Variants in USP6NL observed in about 807,000 individuals in gnomAD.
The protein encoded by USP6NL is USP6 N-terminal like.
A neutral mutation model predicts 61.9 loss-of-function variants in USP6NL; 26 were observed. The observed-to-expected ratio is 0.42, with a 90% confidence interval of 0.31 to 0.58. The LOEUF is 0.58. USP6NL is among the 20% of genes least tolerant of loss of function. USP6NL has a pLI of 0.16. For synonymous variants in USP6NL, 432 were observed against 390.1 expected, an observed-to-expected ratio of 1.11 and a Z score of -1.27; for missense variants, 1,114 against 1,034.3, an observed-to-expected ratio of 1.08 and a Z score of -1.06.
chr10:11,577,512 T>G (rs531719739), intron 2 of USP6NL, among the ~76,000 whole-genome samples: 6 of 152,142 alleles, frequency 3.9e-5, no homozygotes, highest in South Asian at 2.1e-4. Flanking sequence ...TTTGTTTGTT[T>G]TGGGGGAGGA....
At position 11,562,743 on chromosome 10, in the gene USP6NL, G is replaced by A. The variant is rs1478749401; in HGVS notation, c.4+34888C>T. 6.1e-6 allele frequency: 6 copies of A among 985,182 alleles called. No individual in the cohort carries two copies. The highest frequency in any genetic ancestry group is 3.5e-5 in the African/African-American group (2 of 57,206). 61.0% of individuals were successfully genotyped at this position (985,182 alleles called of 1,614,324 possible). On this transcript the variant is annotated intron_variant, in intron 2 of 14. Transcript: ENST00000609104. This position sits in a 1 kb window ranked among gnomAD's most constrained non-coding sequence, Gnocchi z 4.8. ...CACTTGTTTCTTGATCTAAAAACGT[G>A]GAATTCCACACAGTACAATCATAAG...
At chr10:11,522,852 A>T (rs1191217415) in intron 4 of USP6NL, among the ~76,000 whole-genome samples, 1 of 152,242 alleles carries the variant, frequency 6.6e-6, no homozygotes, top group East Asian at 1.9e-4. Flanking sequence ...AGCAACAGGC[A>T]GCATACTGTA....
intron 14 of USP6NL, among the ~76,000 whole-genome samples, chr10:11,466,754 G>A (rs1424320872): frequency 6.6e-6 from 1 of 152,114 alleles, no homozygotes; most frequent in East Asian, 1.9e-4. Context: ...ACTGCACACC[G>A]AGGCTCTATG....
At chr10:11,466,480 G>C (rs1430150939) in intron 14 of USP6NL, among the ~76,000 whole-genome samples, 3 of 152,190 alleles carry the variant, frequency 2.0e-5, no homozygotes, top group Non-Finnish European at 2.9e-5. Flanking sequence ...GTGTGAACTT[G>C]GGAGTCTCAG....
intron 13 of USP6NL, among the ~76,000 whole-genome samples, chr10:11,484,725 G>C (rs780711830): frequency 6.6e-6 from 1 of 152,160 alleles, no homozygotes; most frequent in Non-Finnish European, 1.5e-5. Context: ...TTCTATAAAA[G>C]TGTGAAAATG....
intron 7 of USP6NL, 122 bp downstream of exon 7, chr10:11,500,979 A>G (rs1834160765): frequency 1.4e-6 from 1 of 740,428 alleles, no homozygotes; most frequent in Non-Finnish European, 2.0e-6. Flanking sequence ...AAAACCTCCA[A>G]TGCGATAGAA....
chr10:11,505,859 G>C (rs993335966), intron 6 of USP6NL, among the ~76,000 whole-genome samples: 1 of 152,176 alleles, frequency 6.6e-6, no homozygotes, highest in African/African-American at 2.4e-5. Context: ...GCTCACTCGA[G>C]CTGCTTATGC....
At position 11,553,038 on chromosome 10, in the gene USP6NL, T is replaced by C. The variant is rs1025898511; in HGVS notation, c.5-25471A>G. On this transcript the variant is annotated intron_variant, in intron 2 of 14. Transcript: ENST00000609104. This position sits in a 1 kb window ranked among gnomAD's most constrained non-coding sequence, Gnocchi z 4.8. ...TCTCTATGACTATGTGTACCCATTG[T>C]TTCGCTCCTACTTATAAGTGAGAAC... is the stretch of plus-strand genomic sequence containing the variant. Among the ~76,000 whole-genome samples, 47 of 152,216 alleles carry C rather than the reference T, an allele frequency of 3.1e-4. No individual in the cohort carries two copies. Among genetic ancestry groups the C allele is most frequent in the African/African-American group, 1.0e-3 (42 of 41,446 alleles).
chr10:11,480,877 C>G (rs1211344111), intron 14 of USP6NL, among the ~76,000 whole-genome samples: 1 of 152,176 alleles, frequency 6.6e-6, no homozygotes, highest in African/African-American at 2.4e-5. Context: ...TCCACTGCAA[C>G]AAAGGTAAGA....
intron 2 of USP6NL, among the ~76,000 whole-genome samples, chr10:11,583,799 G>C (rs775468547): frequency 6.6e-6 from 1 of 152,088 alleles, no homozygotes; most frequent in Non-Finnish European, 1.5e-5. Context: ...AGGCTGAGGC[G>C]GACAGATCAC....
At position 11,574,927 on chromosome 10, in the gene USP6NL, C is replaced by T. The variant is rs1237338474; in HGVS notation, c.4+22704G>A. ...TGTAAAAATGTCTAGTTTTAAAATT[C>T]AAGGTGAAGTTTTCAGCTCTTCAGA... On this transcript the variant is annotated intron_variant, in intron 2 of 14. Transcript: ENST00000609104. This position sits in a 1 kb window ranked among gnomAD's most constrained non-coding sequence, Gnocchi z 4.3. Among the ~76,000 whole-genome samples, 1 of 152,140 alleles carries T rather than the reference C, an allele frequency of 6.6e-6. No homozygotes were observed. Among genetic ancestry groups the T allele is most frequent in the African/African-American group, 2.4e-5 (1 of 41,422 alleles).
rs995791598 is a variant in USP6NL, at chr10:11,596,024, T to C, written c.4+1607A>G. ...CCTCTGCCTTCATCCTCGCAAGACT[T>C]TGATCTTTGTTTTCTAGGGTAAGCA... On this transcript the variant is annotated intron_variant, in intron 2 of 14. Transcript: ENST00000609104. This position sits in a 1 kb window ranked among gnomAD's most constrained non-coding sequence, Gnocchi z 4.1. Among the ~76,000 whole-genome samples the C allele has an allele frequency of 1.1e-4, 16 of 152,142 alleles. No individual in the cohort carries two copies. The highest frequency in any genetic ancestry group is 3.6e-4 in the African/African-American group (15 of 41,410).
rs1365232659 is a variant in USP6NL, at chr10:11,485,632, T to G, written c.759+185A>C. Among the ~76,000 whole-genome samples, 1 of 152,242 alleles carries G rather than the reference T, an allele frequency of 6.6e-6. No individual in the cohort carries two copies. The highest frequency in any genetic ancestry group is 1.5e-5 in the Non-Finnish European group (1 of 68,030). ...TCAAATCCCTCAGTAAGAACTGTGA[T>G]AGCCTGTCAATATTAAATTTTACAA... On this transcript the variant is annotated intron_variant, in intron 11 of 14. Coordinates refer to ENST00000609104, the MANE Select transcript of USP6NL (RefSeq NM_014688.5). The surrounding 1 kb of genome is among the most constrained non-coding windows in gnomAD (Gnocchi z 4.8).
At position 11,589,127 on chromosome 10, in the gene USP6NL, C is replaced by T. The variant is rs1838075656; in HGVS notation, c.4+8504G>A. On this transcript the variant is annotated intron_variant, in intron 2 of 14. Transcript: ENST00000609104. The surrounding 1 kb of genome is among the most constrained non-coding windows in gnomAD (Gnocchi z 4.7). ...AACAGCAGTAAAGGTTTCCCCTTAG[C>T]AGTAAGGCAACCTGCTTTATATAGC... 1.3e-5 allele frequency among the ~76,000 whole-genome samples: 2 copies of T among 152,156 alleles called. No homozygotes were observed. The highest frequency in any genetic ancestry group is 6.5e-5 in the Admixed American group (1 of 15,272).
intron 8 of USP6NL, 73 bp downstream of exon 8, chr10:11,493,046 G>T: frequency 2.3e-6 from 3 of 1,318,646 alleles, no homozygotes; most frequent in South Asian, 1.3e-5. Flanking sequence ...GTCTATAAAG[G>T]CATTCTAATT....
chr10:11,465,129 G>T lies in USP6NL; in HGVS notation c.1079-1280C>A, dbSNP rs1832394430. On this transcript the variant is annotated intron_variant, in intron 14 of 14. Coordinates refer to ENST00000609104, the MANE Select transcript of USP6NL (RefSeq NM_014688.5). The surrounding 1 kb of genome is among the most constrained non-coding windows in gnomAD (Gnocchi z 4.5). Reference sequence around the variant, plus strand: ...CCCAACAAACACAATTTATCAAGAAGATATAAAGACATGAATAATAGAAAG... The same window carrying T: ...CCCAACAAACACAATTTATCAAGAATATATAAAGACATGAATAATAGAAAG... 6.6e-6 allele frequency among the ~76,000 whole-genome samples: 1 copy of T among 152,198 alleles called. No homozygotes were observed. Among genetic ancestry groups the T allele is most frequent in the South Asian group, 2.1e-4 (1 of 4,820 alleles).
At position 11,513,966 on chromosome 10, in the gene USP6NL, T is replaced by G. The variant is rs1328935631; in HGVS notation, c.196-4291A>C. Among the ~76,000 whole-genome samples, 1 of 152,234 alleles carries G rather than the reference T, an allele frequency of 6.6e-6. No individual in the cohort carries two copies. Among genetic ancestry groups the G allele is most frequent in the Non-Finnish European group, 1.5e-5 (1 of 68,038 alleles). On this transcript the variant is annotated intron_variant, in intron 5 of 14. Transcript: ENST00000609104. The surrounding 1 kb of genome is among the most constrained non-coding windows in gnomAD (Gnocchi z 4.7). ...TTTGTGTGATTGGCTCCTCTGGATT[T>G]CAGCAGGATTATCACCCCATTATGT...
Position 11,528,421 on chromosome 10 carries a change from G to A in USP6NL, c.5-854C>T, listed in dbSNP as rs905429883. 6.6e-6 allele frequency among the ~76,000 whole-genome samples: 1 copy of A among 151,980 alleles called. No individual in the cohort carries two copies. The highest frequency in any genetic ancestry group is 2.4e-5 in the African/African-American group (1 of 41,354). On this transcript the variant is annotated intron_variant, in intron 2 of 14. Transcript: ENST00000609104. The surrounding 1 kb of genome is among the most constrained non-coding windows in gnomAD (Gnocchi z 4.6). ...ATACTGCATTCTTATTAAGTGCCTG[G>A]CAGATAGTAAGATACTGCCAGGCAG...
chr10:11,507,794 A>G (rs971103021), intron 6 of USP6NL, among the ~76,000 whole-genome samples: 1 of 152,200 alleles, frequency 6.6e-6, no homozygotes, highest in Non-Finnish European at 1.5e-5. Context: ...GCACTATTCT[A>G]TGCTTTACAT....
Sources: gnomAD v4.1 joint callset for allele counts (sites outside exome capture counted in the v4.1 genomes callset) on GRCh38, gnomAD v4.1.1 for gene constraint, Gnocchi (gnomAD v3.1) non-coding constraint, MANE v1.5 for transcripts, NCBI Gene and HGNC (gene_info 2026-07-23, HGNC 2026-07-21) for gene names.